HLCS: variants seen among roughly 807,000 people sequenced by gnomAD.
HLCS encodes the protein biotin--protein ligase.
Under a neutral mutation model 75.0 loss-of-function variants are expected in HLCS, and 53 were observed. The observed-to-expected ratio is 0.71, with a 90% CI of 0.57 to 0.89. The LOEUF (loss-of-function observed/expected upper bound fraction) is 0.89, where lower values mean the gene tolerates loss of function less well. HLCS is among the 40% of genes least tolerant of loss of function. The pLI, the probability that HLCS is intolerant of heterozygous loss-of-function variation, is 0.00. For missense variants in HLCS, 966 were observed against 1,074.0 expected (o/e 0.90, Z 1.41); for synonymous variants, 431 against 428.6 (o/e 1.01, Z -0.07).
intron 8 of HLCS, among the ~76,000 whole-genome samples, chr21:36,761,633 C>G (rs1283156306): frequency 6.6e-6 from 1 of 152,162 alleles, no homozygotes; most frequent in African/African-American, 2.4e-5. Context: ...AATGCTGACA[C>G]ACATCCTTTA....
In HLCS at chr21:36,867,131, C is replaced by T. The variant is rs576988296; in HGVS notation, c.1892+29729G>A. ...CAGACTAAAGACACATGCTTGATGA[C>T]CCAGTTCCCATAAAAGAGAAACATC... On this transcript the variant is annotated intron_variant, in intron 6 of 10. Transcript: ENST00000674895. Among the ~76,000 whole-genome samples, 39 of 152,254 alleles carry T rather than the reference C, an allele frequency of 2.6e-4. No homozygotes were observed. The South Asian group carries it at 7.1e-3, about 28-fold the overall frequency.
intron 6 of HLCS, among the ~76,000 whole-genome samples, chr21:36,862,909 C>T (rs932637091): frequency 2.0e-5 from 3 of 151,654 alleles, no homozygotes; most frequent in African/African-American, 2.4e-5. Context: ...AGCCATGTTA[C>T]GCCCCTAATT....
intron 8 of HLCS, 40 bp downstream of exon 8, chr21:36,764,972 T>C (rs1434742226): frequency 2.5e-6 from 4 of 1,606,252 alleles, no homozygotes; most frequent in Admixed American, 1.7e-5. Flanking sequence ...AGATTCTGCA[T>C]GCATCCCAGG....
intron 7 of HLCS, among the ~76,000 whole-genome samples, chr21:36,765,542 G>A (rs936879438): frequency 1.3e-5 from 2 of 152,188 alleles, no homozygotes; most frequent in South Asian, 2.1e-4. Context: ...ATCCATGAGA[G>A]GTCCTGGAAG....
intron 6 of HLCS, among the ~76,000 whole-genome samples, chr21:36,860,142 T>TG (rs910402682): frequency 7.0e-4 from 107 of 152,360 alleles, no homozygotes; most frequent in African/African-American, 2.5e-3. Flanking sequence ...ATTGAGCACC[T>TG]GCTTTGGTGT....
intron 6 of HLCS, among the ~76,000 whole-genome samples, chr21:36,865,323 C>T (rs909746824): frequency 6.6e-6 from 1 of 151,834 alleles, no homozygotes; most frequent in Non-Finnish European, 1.5e-5. Context: ...TCTCCTACTC[C>T]GGTTAAACCT....
chr21:36,792,073 C>A (rs919454609), intron 6 of HLCS, among the ~76,000 whole-genome samples: 4 of 152,024 alleles, frequency 2.6e-5, no homozygotes, highest in African/African-American at 9.7e-5. Flanking sequence ...GAGTGCGCTA[C>A]CTGTCAGCGT....
At chr21:36,903,729 G>A (rs187513050) in intron 5 of HLCS, among the ~76,000 whole-genome samples, 56 of 152,210 alleles carry the variant, frequency 3.7e-4, no homozygotes, top group Admixed American at 2.9e-3. Context: ...GAGTACCCAC[G>A]GTGTCTCAAA....
At chr21:36,756,225 T>G (rs569435778) in intron 10 of HLCS, among the ~76,000 whole-genome samples, 7 of 151,834 alleles carry the variant, frequency 4.6e-5, no homozygotes, top group East Asian at 3.9e-4. Flanking sequence ...GATCACAAGG[T>G]CAGGAGATCG....
chr21:36,898,446 C>CAAAAAA (rs58625493), intron 5 of HLCS, among the ~76,000 whole-genome samples: 8,456 of 48,938 alleles, frequency 0.17, 776 homozygotes, highest in African/African-American at 0.18. Flanking sequence ...AACTCCATCT[C>CAAAAAA]AAAAAAAAAA....
chr21:36,796,942 C>T (rs35737292), intron 6 of HLCS, among the ~76,000 whole-genome samples: 21,119 of 151,738 alleles, frequency 0.14, 1,764 homozygotes, highest in Non-Finnish European at 0.18. Flanking sequence ...TCTCGGCTCA[C>T]TGCAACCTCC....
At chr21:36,936,384 C>T (rs1387595313) in intron 4 of HLCS, 65 bp downstream of exon 4, 3 of 1,361,876 alleles carry the variant, frequency 2.2e-6, no homozygotes, top group African/African-American at 1.4e-5. Context: ...CTTTAAAAGA[C>T]ATATTCCCTC....
chr21:36,899,887 C>T (rs1476562824), intron 5 of HLCS, among the ~76,000 whole-genome samples: 5 of 152,034 alleles, frequency 3.3e-5, no homozygotes, highest in Non-Finnish European at 7.4e-5. Flanking sequence ...GCGGATCACT[C>T]GAGGTCAGGA....
chr21:36,856,477 G>C (rs531788812), intron 6 of HLCS, among the ~76,000 whole-genome samples: 1 of 152,286 alleles, frequency 6.6e-6, no homozygotes, highest in African/African-American at 2.4e-5. Context: ...TTCCAAAATA[G>C]AATCTATCTC....
At chr21:36,910,216 A>G (rs2065639499) in intron 5 of HLCS, among the ~76,000 whole-genome samples, 1 of 152,218 alleles carries the variant, frequency 6.6e-6, no homozygotes, top group Non-Finnish European at 1.5e-5. Context: ...CACAGGACAA[A>G]GCCAGATGGC....
intron 1 of HLCS, among the ~76,000 whole-genome samples, chr21:36,977,441 T>G (rs28593435): frequency 5.3e-5 from 8 of 152,052 alleles, no homozygotes; most frequent in Non-Finnish European, 1.0e-4. Flanking sequence ...ACTCCTAATA[T>G]GTTCATCATT....
intron 6 of HLCS, among the ~76,000 whole-genome samples, chr21:36,796,687 C>A (rs1484533426): frequency 1.3e-5 from 2 of 152,168 alleles, no homozygotes; most frequent in Non-Finnish European, 1.5e-5. Context: ...GGAAGAAAAA[C>A]TACTTTCAAT....
intron 6 of HLCS, among the ~76,000 whole-genome samples, chr21:36,791,613 G>T (rs746957074): frequency 2.0e-5 from 3 of 152,106 alleles, no homozygotes; most frequent in Non-Finnish European, 4.4e-5. Flanking sequence ...ACCTACTCTA[G>T]GTGGGTTAGT....
At chr21:36,760,195 G>A (rs2089776957) in intron 8 of HLCS, among the ~76,000 whole-genome samples, 1 of 152,124 alleles carries the variant, frequency 6.6e-6, no homozygotes, top group Non-Finnish European at 1.5e-5. Context: ...AACGTGCTAG[G>A]GCCAGAGGGT....
Sources: allele counts gnomAD v4.1 joint callset (sites outside exome capture counted in the v4.1 genomes callset), GRCh38; gene constraint gnomAD v4.1.1; transcripts MANE v1.5; gene names NCBI Gene and HGNC (gene_info 2026-07-23, HGNC 2026-07-21).